Variants in CCAR2 observed in about 807,000 individuals in gnomAD.
The protein encoded by CCAR2 is cell cycle and apoptosis regulator 2.
In CCAR2, 21 loss-of-function variants were observed where a neutral mutation model predicts 108.1. The ratio of observed to expected loss-of-function variants is 0.19; its 90% CI spans 0.14 to 0.28. The LOEUF (loss-of-function observed/expected upper bound fraction) is 0.28, where lower values mean the gene tolerates loss of function less well. Among genes scored for constraint, CCAR2 ranks in the 10% least tolerant of loss-of-function variants. CCAR2 has a pLI of 1.00. For synonymous variants in CCAR2, 577 were observed against 472.8 expected, an observed-to-expected ratio of 1.22 and a Z score of -2.86; for missense variants, 1,126 against 1,177.0, an observed-to-expected ratio of 0.96 and a Z score of 0.63.
rs558909685 is a variant in CCAR2, at chr8:22,605,758, G to A, written c.-16G>A. On this transcript the variant is annotated 5_prime_UTR_variant, in exon 2 of 21. Transcript: ENST00000308511. ...AAGCCTTTTCCCCACGACTCTGAAAGAGGACAGCGTTCCCAATGTCCCAGT... is the reference window on the plus strand; with the variant it reads ...AAGCCTTTTCCCCACGACTCTGAAAAAGGACAGCGTTCCCAATGTCCCAGT... 1.2e-5 allele frequency: 20 copies of A among 1,611,828 alleles called. No individual in the cohort carries two copies. The East Asian group carries it at 4.2e-4, about 34-fold the overall frequency.
In CCAR2 at chr8:22,604,818, C is replaced by T. The variant is rs751491917; in HGVS notation, c.-63C>T. The T allele has an allele frequency of 6.6e-6, 3 of 455,200 alleles. No individual in the cohort carries two copies. The highest frequency in any genetic ancestry group is 2.3e-5 in the Admixed American group (1 of 42,574). 28.2% of individuals were successfully genotyped at this position (455,200 alleles called of 1,614,324 possible). A position where few individuals can be genotyped will look rare whatever the true frequency, so the allele number is the denominator to read the frequency against. Reference sequence around the variant, plus strand: ...GGTGGTTCCGGGTGTCTTTGTCCCCCCGGTGTCGCTGCCCTGGCCCGCAGG... The same window carrying T: ...GGTGGTTCCGGGTGTCTTTGTCCCCTCGGTGTCGCTGCCCTGGCCCGCAGG... On this transcript the variant is annotated 5_prime_UTR_variant, in exon 1 of 21. Coordinates refer to ENST00000308511, the MANE Select transcript of CCAR2 (RefSeq NM_001393997.1).
chr8:22,605,887 A>G (rs1801058021), intron 2 of CCAR2, 56 bp downstream of exon 2: 1 of 1,560,118 alleles, frequency 6.4e-7, no homozygotes, highest in East Asian at 2.3e-5. Flanking sequence ...CTCTGGAGTT[A>G]GTTTGGGGTT....
rs765098631 is a variant in CCAR2, at chr8:22,614,305, T to C, written c.918T>C (p.Tyr306=). ...EPITADSDPA[Y]SSKVLLLSSP... Reference sequence around the variant, plus strand: ...TCACTGCAGACAGTGACCCCGCTTATAGTTCGAAGGTAAGCTGACAGGCGT... The same window carrying C: ...TCACTGCAGACAGTGACCCCGCTTACAGTTCGAAGGTAAGCTGACAGGCGT... The change falls in exon 9 of 21, where the codon TAT becomes TAC. Residue 306 remains tyrosine, a synonymous_variant. Coordinates refer to ENST00000308511, the MANE Select transcript of CCAR2 (RefSeq NM_001393997.1). 3.1e-6 allele frequency: 5 copies of C among 1,614,102 alleles called. 1 individual carries two copies. The South Asian group carries it at 4.4e-5, about 14-fold the overall frequency.
chr8:22,604,887 C>T (rs1384420342), intron 1 of CCAR2, 45 bp downstream of exon 1: 1 of 428,108 alleles, frequency 2.3e-6, no homozygotes, highest in African/African-American at 2.1e-5. Flanking sequence ...CTTCGCCCCT[C>T]CGCCCCTCCG....
rs200647365 is a variant in CCAR2 at position 22,618,676 on chromosome 8, G to C, written c.2280G>C (p.Gln760His). 5.9e-5 allele frequency: 95 copies of C among 1,614,084 alleles called. No homozygotes were observed. In the African/African-American group the frequency reaches 6.7e-4, roughly 11 times the overall value. Residue 760 changes from glutamine to histidine, a missense_variant, in exon 18 of 21, where the codon CAG becomes CAC. This residue lies in a region of CCAR2 where 1,013 missense variants were observed against 993.9 expected (regional missense o/e 1.02). Transcript: ENST00000308511. ...ACATCTGCCAGTACCGGAGCCTTCA[G>C]TACAGCCGCCAGGAGGGCCTGGATG... ...TQNICQYRSL[Q>H]YSRQEGLDGG...
chr8:22,606,551 T>C (rs2291232), intron 3 of CCAR2, 56 bp from the exon 4 acceptor site: 436,642 of 1,374,288 alleles, frequency 0.32, 70,485 homozygotes, highest in South Asian at 0.36. Flanking sequence ...CATGGCAGAG[T>C]GTGATTTTGT....
chr8:22,614,030 TG>T, intron 8 of CCAR2, 61 bp from the exon 9 acceptor site: 1 of 1,465,004 alleles, frequency 6.8e-7, no homozygotes, highest in Non-Finnish European at 9.4e-7. Context: ...AAATCTTTGA[TG>T]GTTTCATTTC....
At chr8:22,621,510 T>C, downstream of CCAR2, 1 of 1,613,914 alleles carries the variant, frequency 6.2e-7, no homozygotes. Context: ...GTGGCCTGGC[T>C]GGTCAAGCTG....
intron 7 of CCAR2, among the ~76,000 whole-genome samples, chr8:22,611,462 A>G (rs981334533): frequency 3.2e-4 from 48 of 150,164 alleles, no homozygotes; most frequent in Middle Eastern, 3.5e-3. Context: ...GTGTGTGTGT[A>G]TATATATATG....
In CCAR2 at chr8:22,618,445, G is replaced by C; in HGVS notation, c.2170G>C (p.Asp724His). ...CTGGTGTGGCTACTTGCACCGGCGA[G>C]ACTTAGAGAGGATCCTCCTTACCCT... ...ANWCGYLHRR[D>H]LERILLTLGI... Residue 724 changes from aspartate (D) to histidine (H), a missense_variant, in exon 17 of 21, where the codon GAC becomes CAC. By Grantham distance (81) the Asp-to-His change is moderately conservative. Transcript: ENST00000308511. 1 of 1,614,190 alleles carries C rather than the reference G, an allele frequency of 6.2e-7. No individual in the cohort carries two copies. The highest frequency in any genetic ancestry group is 8.5e-7 in the Non-Finnish European group (1 of 1,180,054).
chr8:22,613,953 C>G (rs1261580884), intron 8 of CCAR2, 139 bp from the exon 9 acceptor site: 1 of 682,158 alleles, frequency 1.5e-6, no homozygotes, highest in African/African-American at 1.8e-5. Context: ...CAGATCTGAT[C>G]TAGCTTCCTT....
intron 14 of CCAR2, chr8:22,616,764 C>T (rs1324087233): frequency 2.6e-5 from 4 of 153,046 alleles, no homozygotes; most frequent in East Asian, 2.0e-4. Context: ...TGCAGTGAGC[C>T]GAGGTCGCGC....
At chr8:22,607,060 G>A (rs1801105338) in intron 5 of CCAR2, 36 bp downstream of exon 5, 2 of 1,610,802 alleles carry the variant, frequency 1.2e-6, no homozygotes, top group African/African-American at 2.7e-5. Flanking sequence ...ATTGGAAAGG[G>A]AAGGGATGGA....
At chr8:22,608,504 G>A (rs975871272) in intron 7 of CCAR2, among the ~76,000 whole-genome samples, 2 of 152,178 alleles carry the variant, frequency 1.3e-5, no homozygotes, top group Admixed American at 1.3e-4. Context: ...TATGCTGTTA[G>A]AAGGTGTATA....
At chr8:22,606,572 C>T (rs778090719) in intron 3 of CCAR2, 35 bp from the exon 4 acceptor site, 2 of 1,554,934 alleles carry the variant, frequency 1.3e-6, no homozygotes, top group South Asian at 1.1e-5. Flanking sequence ...CCAGTTTCCT[C>T]CCTTTTACTT....
Position 22,610,521 on chromosome 8 carries a change from T to C in CCAR2, c.584+2456T>C, listed in dbSNP as rs1563910987. On this transcript the variant is annotated intron_variant, in intron 7 of 20. Transcript: ENST00000308511. ...TACAGCGTTGAGTGGACCATAACAG[T>C]TTAGCTAGAGGCCGACAGCATTCCT... 4.6e-5 allele frequency among the ~76,000 whole-genome samples: 7 copies of C among 152,186 alleles called. No individual in the cohort carries two copies. In the South Asian group the frequency reaches 1.4e-3, roughly 31 times the overall value.
Position 22,618,605 on chromosome 8 carries a change from T to G in CCAR2, c.2221-12T>G, listed in dbSNP as rs759065747. On this transcript the variant is annotated splice_polypyrimidine_tract_variant and intron_variant, in intron 17 of 20. Transcript: ENST00000308511. The stretch of plus-strand genomic sequence containing the variant: ...GACGGGGCCTTCTGATCAGCAGATG[T>G]GTTTTCTGCAGGCCAAGCAGCTGGT... 1.2e-6 allele frequency: 2 copies of G among 1,613,944 alleles called. No individual in the cohort carries two copies. The highest frequency in any genetic ancestry group is 1.1e-5 in the South Asian group (1 of 91,088).
rs1235123825 is a variant in CCAR2, at chr8:22,619,319, C to T, written c.2691C>T (p.Thr897=). The T allele has an allele frequency of 3.8e-6, 6 of 1,563,554 alleles. No individual in the cohort carries two copies. Among genetic ancestry groups the T allele is most frequent in the South Asian group, 1.2e-5 (1 of 85,120 alleles). Residue 897 remains threonine, a synonymous_variant, in exon 20 of 21, where the codon ACC becomes ACT. Transcript: ENST00000308511. ...RLLQELRRRL[T]PLQLEIQRVV... ...TGCAGGAGCTCCGCAGGCGTCTGACCCCCCTGCAGCTGGAGATCCAGCGGG... is the reference window on the plus strand; with the variant it reads ...TGCAGGAGCTCCGCAGGCGTCTGACTCCCCTGCAGCTGGAGATCCAGCGGG...
At chr8:22,611,396 GTGTGTGTGTA>G (rs1406648143) in intron 7 of CCAR2, among the ~76,000 whole-genome samples, 8 of 142,630 alleles carry the variant, frequency 5.6e-5, no homozygotes, top group Non-Finnish European at 1.2e-4. Context: ...ATATGTGTGT[GTGTGTGTGTA>G]TGTGTGTGTA....
Sources: gnomAD v4.1 joint callset for allele counts (sites outside exome capture counted in the v4.1 genomes callset) on GRCh38, gnomAD v4.1.1 for gene constraint, gnomAD v4.1.1 regional missense constraint, MANE v1.5 for transcripts, NCBI Gene and HGNC (gene_info 2026-07-23, HGNC 2026-07-21) for gene names.